Variants in EPHA5 observed in about 807,000 individuals in gnomAD.
EPHA5 encodes the protein ephrin type-A receptor 5.
A neutral mutation model predicts 105.0 loss-of-function variants in EPHA5; 60 were observed. The ratio of observed to expected loss-of-function variants is 0.57; its 90% CI spans 0.46 to 0.71. EPHA5 has a LOEUF of 0.71. Among genes scored for constraint, EPHA5 ranks in the 30% least tolerant of loss-of-function variants. The pLI is 0.00. For synonymous variants in EPHA5, 513 were observed against 449.1 expected (o/e 1.14, Z -1.80); for missense variants, 1,218 against 1,274.7 (o/e 0.96, Z 0.68).
At chr4:65,523,071 G>A (rs141352832) in intron 3 of EPHA5, among the ~76,000 whole-genome samples, 465 of 151,890 alleles carry the variant, frequency 3.1e-3, no homozygotes, top group East Asian at 0.01. Context: ...TATTTTCTCC[G>A]TTCTTAATAC....
At chr4:65,595,529 T>C (rs1424591406) in intron 3 of EPHA5, among the ~76,000 whole-genome samples, 1 of 152,086 alleles carries the variant, frequency 6.6e-6, no homozygotes, top group Non-Finnish European at 1.5e-5. Context: ...TAGATAATTT[T>C]ATAACCTGTA....
intron 3 of EPHA5, among the ~76,000 whole-genome samples, chr4:65,590,652 A>C (rs1742546441): frequency 6.6e-6 from 1 of 152,110 alleles, no homozygotes; most frequent in Non-Finnish European, 1.5e-5. Context: ...AATTGGAGAG[A>C]AAGAGAGAGA....
rs1048394221 is a variant in EPHA5, at chr4:65,439,554, T to C, written c.1403-18989A>G. Among the ~76,000 whole-genome samples the C allele has an allele frequency of 3.3e-5, 5 of 151,692 alleles. No individual in the cohort carries two copies. In the East Asian group the frequency reaches 9.8e-4, roughly 30 times the overall value. On this transcript the variant is annotated intron_variant, in intron 5 of 16. Coordinates refer to ENST00000613740, the MANE Select transcript of EPHA5 (RefSeq NM_001281766.3). ...CAAGTGCTGGTTGAAAATTCCTCCC[T>C]AAACCTGAGTAGAATTACAAGATGC...
At position 65,669,378 on chromosome 4, in the gene EPHA5, A is replaced by G. The variant is rs542650182; in HGVS notation, c.181+184T>C. 7.7e-5 allele frequency: 76 copies of G among 983,688 alleles called. No individual in the cohort carries two copies. The African/African-American group carries it at 1.2e-3, about 16-fold the overall frequency. 60.9% of individuals were successfully genotyped at this position (983,688 alleles called of 1,614,324 possible). ...CAGCACTCCGCAGCTAACGTCAAACAATGCAACCAAAAACCGCAGAGGGGA... is the reference window on the plus strand; with the variant it reads ...CAGCACTCCGCAGCTAACGTCAAACGATGCAACCAAAAACCGCAGAGGGGA... On this transcript the variant is annotated intron_variant, in intron 1 of 16. Transcript: ENST00000613740.
intron 7 of EPHA5, among the ~76,000 whole-genome samples, chr4:65,408,608 A>G (rs564831434): frequency 6.6e-6 from 1 of 152,154 alleles, no homozygotes; most frequent in South Asian, 2.1e-4. Flanking sequence ...ATCACTGGCC[A>G]TCAGAGAAAT....
At position 65,365,236 on chromosome 4, in the gene EPHA5, A is replaced by C. The variant is rs777656564; in HGVS notation, c.1988-34T>G. On this transcript the variant is annotated intron_variant, in intron 10 of 16. Coordinates refer to ENST00000613740, the MANE Select transcript of EPHA5 (RefSeq NM_001281766.3). ...AAAGATGAAAAAAATGCAAAAACTC[A>C]TTTGAAATTGTTAGTCTATTAACAC... 8 of 1,592,370 alleles carry C rather than the reference A, an allele frequency of 5.0e-6. No homozygotes were observed. The African/African-American group carries it at 1.1e-4, about 21-fold the overall frequency.
At chr4:65,480,701 T>C (rs1437642000) in intron 5 of EPHA5, among the ~76,000 whole-genome samples, 1 of 152,172 alleles carries the variant, frequency 6.6e-6, no homozygotes, top group Non-Finnish European at 1.5e-5. Context: ...TTCAGCTTCA[T>C]CAGGCCAGAT....
chr4:65,322,598 T>A lies in EPHA5; in HGVS notation c.*1516A>T. 1 of 224,478 alleles carries A rather than the reference T, an allele frequency of 4.5e-6. No homozygotes were observed. The highest frequency in any genetic ancestry group is 8.9e-6 in the Non-Finnish European group (1 of 112,534). The allele number at this position is 224,478 out of a possible 1,614,324, so 13.9% of individuals were successfully genotyped here. Reference sequence around the variant, plus strand: ...TTTCTAATACACTGCATAATTTGTATCACAAATATAAGTCTTCATCATGTG... The same window carrying A: ...TTTCTAATACACTGCATAATTTGTAACACAAATATAAGTCTTCATCATGTG... On this transcript the variant is annotated 3_prime_UTR_variant, in exon 17 of 17. Coordinates refer to ENST00000613740, the MANE Select transcript of EPHA5 (RefSeq NM_001281766.3).
At chr4:65,360,719 G>A (rs1348698235) in intron 11 of EPHA5, among the ~76,000 whole-genome samples, 2 of 151,250 alleles carry the variant, frequency 1.3e-5, no homozygotes, top group Admixed American at 6.6e-5. Flanking sequence ...AAAAGCCCAT[G>A]GTTTTATATA....
intron 5 of EPHA5, among the ~76,000 whole-genome samples, chr4:65,439,730 T>C (rs1234698321): frequency 1.3e-5 from 2 of 152,172 alleles, no homozygotes; most frequent in African/African-American, 2.4e-5. Context: ...TGATTTACTT[T>C]GGTAATTTCA....
chr4:65,390,976 G>T (rs1312844962), intron 8 of EPHA5, among the ~76,000 whole-genome samples: 1 of 152,024 alleles, frequency 6.6e-6, no homozygotes, highest in East Asian at 1.9e-4. Context: ...TGGGTGGAGA[G>T]GCCTCAGGAA....
intron 1 of EPHA5, among the ~76,000 whole-genome samples, chr4:65,660,307 AT>A (rs1206148419): frequency 6.6e-6 from 1 of 152,122 alleles, no homozygotes; most frequent in Non-Finnish European, 1.5e-5. Context: ...ATATTAAATA[AT>A]GGGGAAAACC....
At chr4:65,574,627 C>T (rs551398344) in intron 3 of EPHA5, among the ~76,000 whole-genome samples, 14 of 85,256 alleles carry the variant, frequency 1.6e-4, no homozygotes, top group South Asian at 3.9e-4. Flanking sequence ...TATATATATA[C>T]ACATATATAT....
At chr4:65,559,663 C>T (rs1416361261) in intron 3 of EPHA5, among the ~76,000 whole-genome samples, 1 of 152,018 alleles carries the variant, frequency 6.6e-6, no homozygotes, top group Non-Finnish European at 1.5e-5. Flanking sequence ...GGCCCATGAG[C>T]TTATGTGAAA....
intron 5 of EPHA5, among the ~76,000 whole-genome samples, chr4:65,454,102 A>T (rs1727333733): frequency 6.6e-6 from 1 of 152,124 alleles, no homozygotes; most frequent in African/African-American, 2.4e-5. Context: ...CCAATGTGGA[A>T]AAACCCCGTC....
chr4:65,542,724 G>A (rs1578381804), intron 3 of EPHA5, among the ~76,000 whole-genome samples: 1 of 151,420 alleles, frequency 6.6e-6, no homozygotes, highest in Non-Finnish European at 1.5e-5. Context: ...CATTTTATGG[G>A]GCCAGCATCA....
At chr4:65,562,142 C>G (rs1182512403) in intron 3 of EPHA5, among the ~76,000 whole-genome samples, 2 of 152,046 alleles carry the variant, frequency 1.3e-5, no homozygotes, top group Non-Finnish European at 2.9e-5. Flanking sequence ...ATTTGGCTTG[C>G]TAGGCATGTT....
At chr4:65,576,901 A>C (rs1333829898) in intron 3 of EPHA5, among the ~76,000 whole-genome samples, 2 of 152,184 alleles carry the variant, frequency 1.3e-5, no homozygotes, top group East Asian at 3.9e-4. Context: ...GCAAATGCTC[A>C]GTCCCTTGGT....
At chr4:65,446,673 T>A (rs991820089) in intron 5 of EPHA5, among the ~76,000 whole-genome samples, 2 of 151,742 alleles carry the variant, frequency 1.3e-5, no homozygotes, top group Non-Finnish European at 2.9e-5. Flanking sequence ...AGTGTAGGGA[T>A]GCTCATGTAT....
Sources: gnomAD v4.1 joint callset for allele counts (sites outside exome capture counted in the v4.1 genomes callset) on GRCh38, gnomAD v4.1.1 for gene constraint, MANE v1.5 for transcripts, NCBI Gene and HGNC (gene_info 2026-07-23, HGNC 2026-07-21) for gene names.